Variants in ENPP2 observed in about 807,000 individuals in gnomAD.
ENPP2 encodes autotaxin.
A neutral mutation model predicts 120.2 loss-of-function variants in ENPP2; 51 were observed. The ratio of observed to expected loss-of-function variants is 0.42; its 90% CI spans 0.34 to 0.54. ENPP2 has a LOEUF of 0.54. ENPP2 is among the 20% of genes least tolerant of loss of function. The pLI is 0.04. For missense variants in ENPP2, 920 were observed against 1,066.5 expected (o/e 0.86, Z 1.91); for synonymous variants, 365 against 366.4 (o/e 1.00, Z 0.04).
chr8:119,619,414 T>TA, intron 4 of ENPP2, 110 bp from the exon 5 acceptor site: 4 of 494,872 alleles, frequency 8.1e-6, no homozygotes, highest in Non-Finnish European at 1.2e-5. Context: ...TTATGGGATA[T>TA]AACAAAAAAA....
intron 2 of ENPP2, among the ~76,000 whole-genome samples, chr8:119,634,045 C>T (rs558122006): frequency 3.9e-5 from 6 of 151,920 alleles, no homozygotes; most frequent in East Asian, 1.9e-4. Context: ...TAGCCTGGCG[C>T]GGTGGTGGGC....
chr8:119,669,426 T>C (rs1039896608), intron 1 of ENPP2, among the ~76,000 whole-genome samples: 2 of 152,196 alleles, frequency 1.3e-5, no homozygotes, highest in South Asian at 2.1e-4. Flanking sequence ...AATAAAATCA[T>C]CTCTTAGAAA....
intron 1 of ENPP2, among the ~76,000 whole-genome samples, chr8:119,651,732 T>C (rs1453358873): frequency 6.6e-6 from 1 of 152,164 alleles, no homozygotes; most frequent in Non-Finnish European, 1.5e-5. Flanking sequence ...AAAGAATAGG[T>C]TGCAAATGAA....
chr8:119,601,527 G>A (rs545688708), intron 9 of ENPP2, 65 bp from the exon 10 acceptor site: 5 of 1,259,190 alleles, frequency 4.0e-6, no homozygotes, highest in South Asian at 2.4e-5. Context: ...AGCCTGAGGA[G>A]TGCTCGCTCT....
At chr8:119,592,853 T>TC (rs1342986320) in intron 12 of ENPP2, 1 of 110,690 alleles carries the variant, frequency 9.0e-6, no homozygotes, top group Non-Finnish European at 1.7e-5. Context: ...TTTTTTTTTT[T>TC]CTAATTTCTC....
chr8:119,572,513 C>A (rs758231933), intron 19 of ENPP2: 4 of 433,582 alleles, frequency 9.2e-6, no homozygotes, highest in Non-Finnish European at 1.3e-5. Context: ...AAGCATTCAA[C>A]GTAACACTCT....
intron 1 of ENPP2, among the ~76,000 whole-genome samples, chr8:119,652,541 G>A (rs1438120548): frequency 6.6e-6 from 1 of 152,104 alleles, no homozygotes; most frequent in Non-Finnish European, 1.5e-5. Context: ...CATGAGATTT[G>A]GACAGCAGAA....
In ENPP2 at chr8:119,621,473, A is replaced by G; in HGVS notation, c.339T>C (p.Asn113=). The change falls in exon 4 of 25, where the codon AAT becomes AAC. Residue 113 remains asparagine (N), a synonymous_variant. Transcript: ENST00000075322. ...CTGAGCAGTGACAGGCATTTTCTTC[A>G]TTTCTGACTTCTCCACATCTGTCCT... is the stretch of plus-strand genomic sequence containing the variant. ...CTKDRCGEVR[N]EENACHCSED... The G allele has an allele frequency of 6.2e-7, 1 of 1,613,534 alleles. No homozygotes were observed. Among genetic ancestry groups the G allele is most frequent in the South Asian group, 1.1e-5 (1 of 91,064 alleles).
chr8:119,599,008 T>C (rs906018005), intron 11 of ENPP2, among the ~76,000 whole-genome samples: 4 of 152,252 alleles, frequency 2.6e-5, no homozygotes, highest in Non-Finnish European at 5.9e-5. Context: ...CTTAGGTGTT[T>C]TGTTTTGTTT....
chr8:119,647,807 C>A (rs1432497176), intron 1 of ENPP2, among the ~76,000 whole-genome samples: 3 of 152,030 alleles, frequency 2.0e-5, no homozygotes, highest in Non-Finnish European at 2.9e-5. Flanking sequence ...GAGATCGATG[C>A]CGACCTGGCC....
At chr8:119,638,073 A>C (rs1036944415) in intron 2 of ENPP2, among the ~76,000 whole-genome samples, 18 of 152,186 alleles carry the variant, frequency 1.2e-4, no homozygotes, top group Admixed American at 8.5e-4. Flanking sequence ...ATCCTATATC[A>C]TGTGACAGCA....
intron 13 of ENPP2, among the ~76,000 whole-genome samples, chr8:119,588,853 T>G (rs1292993241): frequency 6.6e-6 from 1 of 152,226 alleles, no homozygotes; most frequent in Non-Finnish European, 1.5e-5. Context: ...CCTTCAATTC[T>G]GAAGAACTTA....
chr8:119,655,575 G>T (rs1817746610), intron 1 of ENPP2, among the ~76,000 whole-genome samples: 1 of 152,062 alleles, frequency 6.6e-6, no homozygotes, highest in Admixed American at 6.6e-5. Flanking sequence ...TTCCTCATAG[G>T]GTTGCTGTGG....
intron 17 of ENPP2, 53 bp downstream of exon 17, chr8:119,583,664 A>G: frequency 1.0e-6 from 1 of 981,280 alleles, no homozygotes; most frequent in African/African-American, 1.6e-5. Flanking sequence ...GAGAAAGATC[A>G]TATATACTAA....
chr8:119,575,232 C>T (rs555079685), intron 19 of ENPP2, among the ~76,000 whole-genome samples: 4 of 152,246 alleles, frequency 2.6e-5, no homozygotes, highest in Admixed American at 2.6e-4. Context: ...AATTCAGCTG[C>T]ATAGCAGCAC....
At position 119,590,648 on chromosome 8, in the gene ENPP2, A is replaced by G. The variant is rs1388496733; in HGVS notation, c.1082-18T>C. 1 of 1,485,622 alleles carries G rather than the reference A, an allele frequency of 6.7e-7. No individual in the cohort carries two copies. 92.0% of individuals were successfully genotyped at this position (1,485,622 alleles called of 1,614,324 possible). A position where few individuals can be genotyped will look rare whatever the true frequency, so the allele number is the denominator to read the frequency against. ...TTCCATTCCTATGGGGAGGGAGAAA[A>G]AGAATATTTTCAGGCAAGACTAAAA... On this transcript the variant is annotated intron_variant, in intron 12 of 24. Coordinates refer to ENST00000075322, the MANE Select transcript of ENPP2 (RefSeq NM_001040092.3).
At chr8:119,575,985 T>G (rs1388593101) in intron 19 of ENPP2, among the ~76,000 whole-genome samples, 1 of 152,124 alleles carries the variant, frequency 6.6e-6, no homozygotes, top group Non-Finnish European at 1.5e-5. Context: ...GTGAATGCTA[T>G]CTCCTTCTTT....
At chr8:119,584,797 T>C (rs1389352015) in intron 15 of ENPP2, among the ~76,000 whole-genome samples, 1 of 152,202 alleles carries the variant, frequency 6.6e-6, no homozygotes, top group Admixed American at 6.5e-5. Context: ...TTTTCCAAAA[T>C]AGCTTTCATG....
chr8:119,592,434 T>C (rs1056842115), intron 12 of ENPP2, among the ~76,000 whole-genome samples: 10 of 138,620 alleles, frequency 7.2e-5, no homozygotes, highest in Non-Finnish European at 1.2e-4. Context: ...GATTGCACCA[T>C]TGCATTCCAT....
Sources: gnomAD v4.1 joint callset for allele counts (sites outside exome capture counted in the v4.1 genomes callset) on GRCh38, gnomAD v4.1.1 for gene constraint, MANE v1.5 for transcripts, NCBI Gene and HGNC (gene_info 2026-07-23, HGNC 2026-07-21) for gene names.